CD2BP2: variants seen among roughly 807,000 people sequenced by gnomAD.
CD2BP2 encodes CD2 cytoplasmic tail binding protein 2.
CD2BP2 carries 27 observed loss-of-function variants against 35.9 expected under a neutral mutation model. The observed-to-expected ratio is 0.75, with a 90% CI of 0.55 to 1.04. CD2BP2 has a LOEUF of 1.04. CD2BP2 is among the 50% of genes least tolerant of loss of function. CD2BP2 has a pLI of 0.00. For synonymous variants in CD2BP2, 213 were observed against 173.5 expected, an observed-to-expected ratio of 1.23 and a Z score of -1.79; for missense variants, 497 against 444.3, an observed-to-expected ratio of 1.12 and a Z score of -1.07.
rs781780305 is a variant in CD2BP2, at chr16:30,352,949, G to T, written c.*36C>A. On this transcript the variant is annotated 3_prime_UTR_variant, in exon 7 of 7. Coordinates refer to ENST00000305596, the MANE Select transcript of CD2BP2 (RefSeq NM_006110.3). ...TTGGTGCCTCCTCCACAAAGTCCAG[G>T]AAAGAAGGGCCCACCAAACTGGGCC... The T allele has an allele frequency of 1.4e-5, 19 of 1,371,386 alleles. No homozygotes were observed. The South Asian group carries it at 2.2e-4, about 16-fold the overall frequency. 85.0% of individuals were successfully genotyped at this position (1,371,386 alleles called of 1,614,324 possible).
At chr16:30,354,365 C>G in intron 2 of CD2BP2, 43 bp from the exon 3 acceptor site, 5 of 1,591,398 alleles carry the variant, frequency 3.1e-6, no homozygotes, top group Non-Finnish European at 4.3e-6. Flanking sequence ...AGGTTACTGG[C>G]TACCTCCCCA....
rs947938856 is a variant in CD2BP2 at position 30,351,099 on chromosome 16, C to T, written c.*1886G>A. 54 of 152,692 alleles carry T rather than the reference C, an allele frequency of 3.5e-4. No homozygotes were observed. Among genetic ancestry groups the T allele is most frequent in the African/African-American group, 1.2e-3 (50 of 41,456 alleles). The allele number at this position is 152,692 out of a possible 1,614,324, so 9.5% of individuals were successfully genotyped here. A position where few individuals can be genotyped will look rare whatever the true frequency, so the allele number is the denominator to read the frequency against. On this transcript the variant is annotated 3_prime_UTR_variant, in exon 7 of 7. Transcript: ENST00000305596. Reference sequence around the variant, plus strand: ...ACGAAATCCTGAACTGAAGCACAGGCGCCGGGTCCCTTTTGCCACGCAAGG... The same window carrying T: ...ACGAAATCCTGAACTGAAGCACAGGTGCCGGGTCCCTTTTGCCACGCAAGG...
In CD2BP2 at chr16:30,353,301, C is replaced by T. The variant is rs754989106; in HGVS notation, c.809-14G>A. 27 of 1,613,872 alleles carry T rather than the reference C, an allele frequency of 1.7e-5. No homozygotes were observed. Among genetic ancestry groups the T allele is most frequent in the Non-Finnish European group, 2.2e-5 (26 of 1,179,846 alleles). ...GCGACTCTGCTTCTAAAATAACAGG[C>T]AAAGCCATTTGGCCTCCAGTGTCTC... On this transcript the variant is annotated splice_polypyrimidine_tract_variant and intron_variant, in intron 5 of 6. Coordinates refer to ENST00000305596, the MANE Select transcript of CD2BP2 (RefSeq NM_006110.3).
chr16:30,353,879 C>T (rs1289326377), intron 4 of CD2BP2, 22 bp downstream of exon 4: 2 of 1,612,944 alleles, frequency 1.2e-6, no homozygotes, highest in Non-Finnish European at 1.7e-6. Context: ...AGGCCCCAGC[C>T]ACGCCAGCCC....
Position 30,352,562 on chromosome 16 carries a change from C to A in CD2BP2, c.*423G>T. ...CCTGGTCCTTCTGGGCCTAAAACAT[C>A]CACTTCTGGGGCTCTGTCCTCTGGT... On this transcript the variant is annotated 3_prime_UTR_variant, in exon 7 of 7. Coordinates refer to ENST00000305596, the MANE Select transcript of CD2BP2 (RefSeq NM_006110.3). 1 of 179,110 alleles carries A rather than the reference C, an allele frequency of 5.6e-6. No homozygotes were observed. Among genetic ancestry groups the A allele is most frequent in the East Asian group, 1.4e-4 (1 of 7,070 alleles). The allele number at this position is 179,110 out of a possible 1,614,324, so 11.1% of individuals were successfully genotyped here.
intron 2 of CD2BP2, 71 bp from the exon 3 acceptor site, chr16:30,354,393 ACCCAAATATTC>A: frequency 6.5e-7 from 1 of 1,531,884 alleles, no homozygotes; most frequent in Admixed American, 2.0e-5. Context: ...CCGGATCTGG[ACCCAAATATTC>A]CCCAAATATT....
In CD2BP2 at chr16:30,352,711, G is replaced by C; in HGVS notation, c.*274C>G. 2.0e-6 allele frequency: 1 copy of C among 492,628 alleles called. No homozygotes were observed. Among genetic ancestry groups the C allele is most frequent in the Non-Finnish European group, 3.7e-6 (1 of 271,930 alleles). 30.5% of individuals were successfully genotyped at this position (492,628 alleles called of 1,614,324 possible). The stretch of plus-strand genomic sequence containing the variant: ...GTGTTTACACGGCAAGCAGAGTCCA[G>C]GCAGGGAGGCCACAGGATACCTGAC... On this transcript the variant is annotated 3_prime_UTR_variant, in exon 7 of 7. Transcript: ENST00000305596.
chr16:30,354,417 A>G, intron 2 of CD2BP2, 95 bp from the exon 3 acceptor site: 1 of 1,461,404 alleles, frequency 6.8e-7, no homozygotes, highest in Non-Finnish European at 9.3e-7. Context: ...CAAATATTTC[A>G]GGATCTCGAC....
chr16:30,355,011 C>T (rs916014338), intron 1 of CD2BP2: 28 of 314,086 alleles, frequency 8.9e-5, no homozygotes, highest in African/African-American at 5.0e-4. Context: ...GCGCCACCGG[C>T]TCCACGGGCT....
In CD2BP2 at chr16:30,353,212, A is replaced by T. The variant is rs773260005; in HGVS notation, c.884T>A (p.Leu295Gln). 9 of 1,614,186 alleles carry T rather than the reference A, an allele frequency of 5.6e-6. No individual in the cohort carries two copies. The highest frequency in any genetic ancestry group is 5.9e-6 in the Non-Finnish European group (7 of 1,180,020). Residue 295 changes from leucine to glutamine, a missense_variant, in exon 6 of 7, where the codon CTG becomes CAG. By Grantham distance (113) the Leu-to-Gln change is moderately radical (BLOSUM62 -2). Coordinates refer to ENST00000305596, the MANE Select transcript of CD2BP2 (RefSeq NM_006110.3). ...CTGGGCGCTGGTGAAGGGCCCATAC[A>T]GCTCGGCATCCCCCGTGTTCTCCCA... The part of the protein sequence containing the change: ...YKWENTGDAE[L>Q]YGPFTSAQMQ...
At position 30,353,349 on chromosome 16, in the gene CD2BP2, C is replaced by G. The variant is rs193280466; in HGVS notation, c.808+19G>C. On this transcript the variant is annotated intron_variant, in intron 5 of 6. Transcript: ENST00000305596. Reference sequence around the variant, plus strand: ...CTCACTTCCTACCCACTGCCCCCTCCTCTGTCCTCCAAGCTCACCTCCTCT... The same window carrying G: ...CTCACTTCCTACCCACTGCCCCCTCGTCTGTCCTCCAAGCTCACCTCCTCT... 7.2e-4 allele frequency: 1,164 copies of G among 1,613,758 alleles called. 1 individual carries two copies. Among genetic ancestry groups the G allele is most frequent in the Non-Finnish European group, 9.4e-4 (1,110 of 1,179,668 alleles).
Position 30,353,518 on chromosome 16 carries a change from C to A in CD2BP2, c.658G>T (p.Glu220Ter), listed in dbSNP as rs1397456106. 1 of 1,614,112 alleles carries A rather than the reference C, an allele frequency of 6.2e-7. No homozygotes were observed. The highest frequency in any genetic ancestry group is 8.5e-7 in the Non-Finnish European group (1 of 1,180,040). The change falls in exon 5 of 7, where the codon GAA (glutamate) becomes TAA (stop). Residue 220 changes from glutamate to a stop codon, truncating the protein, a stop_gained. Transcript: ENST00000305596. LOFTEE classifies it high-confidence loss of function. ...VARGNLGVYQ[E>*]TRERLAMRLK... is the part of the protein sequence containing the mutation. ...CGCATAGCCAACCGTTCCCTTGTTT[C>A]CTGGTACACACCAAGGTTGCCCCGG...
intron 2 of CD2BP2, 137 bp downstream of exon 2, chr16:30,354,467 C>T: frequency 7.4e-7 from 1 of 1,356,094 alleles, no homozygotes; most frequent in Non-Finnish European, 1.0e-6. Flanking sequence ...TAAAGACGCT[C>T]CCAACCCATT....
Position 30,352,905 on chromosome 16 carries a change from T to A in CD2BP2, c.*80A>T. 1.1e-6 allele frequency: 1 copy of A among 902,506 alleles called. No individual in the cohort carries two copies. The allele number at this position is 902,506 out of a possible 1,614,324, so 55.9% of individuals were successfully genotyped here. A position where few individuals can be genotyped will look rare whatever the true frequency, so the allele number is the denominator to read the frequency against. ...ATTGACTGAAAAATGGCCTCCAATT[T>A]CCTCGCTGCCTGAGACACTTGGTGC... On this transcript the variant is annotated 3_prime_UTR_variant, in exon 7 of 7. Transcript: ENST00000305596.
chr16:30,354,833 G>A (rs2049522088), intron 1 of CD2BP2, 126 bp from the exon 2 acceptor site: 3 of 729,064 alleles, frequency 4.1e-6, no homozygotes, highest in Admixed American at 4.3e-5. Flanking sequence ...ACAAAAGCAG[G>A]GGCCGAAAGG....
intron 1 of CD2BP2, 57 bp from the exon 2 acceptor site, chr16:30,354,764 G>GC (rs1409265072): frequency 8.6e-7 from 1 of 1,157,664 alleles, no homozygotes; most frequent in African/African-American, 1.5e-5. Flanking sequence ...GCCAACAGAC[G>GC]CAGCACAGCA....
intron 2 of CD2BP2, 72 bp downstream of exon 2, chr16:30,354,532 T>C (rs1368641033): frequency 8.5e-6 from 13 of 1,530,648 alleles, no homozygotes; most frequent in Middle Eastern, 1.7e-4. Flanking sequence ...CCCGCCCCTC[T>C]CCCGCCAGCT....
chr16:30,354,464 G>C (rs1353277631), intron 2 of CD2BP2, 140 bp downstream of exon 2: 6 of 1,339,866 alleles, frequency 4.5e-6, no homozygotes, highest in Non-Finnish European at 6.2e-6. Context: ...CACTAAAGAC[G>C]CTCCCAACCC....
chr16:30,352,317 T>C lies in CD2BP2; in HGVS notation c.*668A>G, dbSNP rs893916642. The C allele has an allele frequency of 6.5e-6, 1 of 152,858 alleles. No individual in the cohort carries two copies. The highest frequency in any genetic ancestry group is 2.4e-5 in the African/African-American group (1 of 41,468). 9.5% of individuals were successfully genotyped at this position (152,858 alleles called of 1,614,324 possible). Reference sequence around the variant, plus strand: ...AGTACAATGCACACTTGGCCCACACTTGGCCACTGAGTTTGCACTTCACTG... The same window carrying C: ...AGTACAATGCACACTTGGCCCACACCTGGCCACTGAGTTTGCACTTCACTG... On this transcript the variant is annotated 3_prime_UTR_variant, in exon 7 of 7. Coordinates refer to ENST00000305596, the MANE Select transcript of CD2BP2 (RefSeq NM_006110.3).
Sources: allele counts gnomAD v4.1 joint callset, GRCh38; gene constraint gnomAD v4.1.1; transcripts MANE v1.5; gene names NCBI Gene and HGNC (gene_info 2026-07-23, HGNC 2026-07-21).